Variants in AMMECR1 observed in about 807,000 individuals in gnomAD.
AMMECR1 encodes the protein nuclear protein AMMECR1.
A neutral mutation model predicts 22.5 loss-of-function variants in AMMECR1; 3 were observed. The observed-to-expected ratio is 0.13, with a 90% CI of 0.06 to 0.35. The LOEUF is 0.35. Among genes scored for constraint, AMMECR1 ranks in the 10% least tolerant of loss-of-function variants. AMMECR1 has a pLI of 1.00. For missense variants in AMMECR1, 235 were observed against 278.7 expected, an observed-to-expected ratio of 0.84 and a Z score of 1.12; for synonymous variants, 130 against 116.7, an observed-to-expected ratio of 1.11 and a Z score of -0.74.
At chrX:110,218,677 T>G (rs1357323534) in intron 2 of AMMECR1, among the ~76,000 whole-genome samples, 1 of 111,174 alleles carries the variant, frequency 9.0e-6, no homozygotes, top group Non-Finnish European at 1.9e-5. Flanking sequence ...AAATTCACCC[T>G]TTTAAAGTAT....
chrX:110,400,475 T>G (rs1023389548), intron 2 of AMMECR1, among the ~76,000 whole-genome samples: 1 of 110,378 alleles, frequency 9.1e-6, no homozygotes, highest in African/African-American at 3.3e-5. Flanking sequence ...TGCTCAGAAG[T>G]GTCGCTCAGT....
intron 2 of AMMECR1, among the ~76,000 whole-genome samples, chrX:110,328,282 A>G (rs2068105565): frequency 8.9e-6 from 1 of 111,820 alleles, no homozygotes; most frequent in Non-Finnish European, 1.9e-5. Context: ...CTTAAATTGC[A>G]TATCAGTACA....
chrX:110,255,164 C>G (rs1333172966), intron 2 of AMMECR1, among the ~76,000 whole-genome samples: 1 of 112,205 alleles, frequency 8.9e-6, no homozygotes, highest in Admixed American at 9.5e-5. Context: ...ATTTTAAGAC[C>G]ACATTGTTTT....
chrX:110,333,121 C>A (rs762955072), intron 2 of AMMECR1, among the ~76,000 whole-genome samples: 1 of 111,720 alleles, frequency 9.0e-6, no homozygotes, highest in South Asian at 3.8e-4. Context: ...GGCATAGGAC[C>A]TACACTGAAA....
chrX:110,206,397 A>G (rs2067421971), intron 3 of AMMECR1, among the ~76,000 whole-genome samples: 1 of 111,906 alleles, frequency 8.9e-6, no homozygotes, highest in African/African-American at 3.2e-5. Context: ...GCATTTTTTA[A>G]AAGTACCTTC....
chrX:110,374,345 G>A (rs2068360645), intron 2 of AMMECR1, among the ~76,000 whole-genome samples: 1 of 111,986 alleles, frequency 8.9e-6, no homozygotes, highest in Non-Finnish European at 1.9e-5. Context: ...TTAAAAAAAT[G>A]AATATGTTTT....
intron 1 of AMMECR1, among the ~76,000 whole-genome samples, chrX:110,308,010 C>T (rs984210811): frequency 2.2e-4 from 24 of 107,901 alleles, no homozygotes; most frequent in African/African-American, 6.8e-4. Flanking sequence ...GCTGGGACTA[C>T]AGGCGCATGC....
At chrX:110,263,670 A>G (rs1002129601) in intron 2 of AMMECR1, among the ~76,000 whole-genome samples, 1 of 111,924 alleles carries the variant, frequency 8.9e-6, no homozygotes, top group African/African-American at 3.2e-5. Flanking sequence ...CCAAGTACCA[A>G]TAGTCAGCAG....
At chrX:110,202,682 A>G (rs936297744) in intron 3 of AMMECR1, 146 bp from the exon 4 acceptor site, 2 of 420,844 alleles carry the variant, frequency 4.8e-6, no homozygotes, top group Non-Finnish European at 8.1e-6. Flanking sequence ...CAAAGCTTTG[A>G]CTTTGGATTT....
At chrX:110,394,215 A>G (rs977314868) in intron 2 of AMMECR1, among the ~76,000 whole-genome samples, 5 of 112,555 alleles carry the variant, frequency 4.4e-5, no homozygotes, top group Non-Finnish European at 3.8e-5. Context: ...ATTAATGTTT[A>G]ATATTAGAAG....
At chrX:110,275,520 T>G (rs2067821383) in intron 1 of AMMECR1, among the ~76,000 whole-genome samples, 1 of 110,978 alleles carries the variant, frequency 9.0e-6, no homozygotes, top group African/African-American at 3.3e-5. Flanking sequence ...CTACCACTAG[T>G]TTTCAACAAT....
intron 2 of AMMECR1, among the ~76,000 whole-genome samples, chrX:110,407,271 T>C (rs1162843060): frequency 8.9e-6 from 1 of 112,125 alleles, no homozygotes; most frequent in Non-Finnish European, 1.9e-5. Flanking sequence ...AATGGCTGGG[T>C]GAAGAGAGTC....
At chrX:110,305,673 A>C (rs2067989738) in intron 1 of AMMECR1, among the ~76,000 whole-genome samples, 1 of 111,938 alleles carries the variant, frequency 8.9e-6, no homozygotes, top group Non-Finnish European at 1.9e-5. Flanking sequence ...AATTTCAAGA[A>C]GTGCTTAACT....
At chrX:110,290,960 T>C (rs1397634469) in intron 1 of AMMECR1, among the ~76,000 whole-genome samples, 4 of 111,842 alleles carry the variant, frequency 3.6e-5, no homozygotes, top group Admixed American at 9.5e-5. Context: ...GGTACTTTAA[T>C]TGAAAATAAT....
intron 2 of AMMECR1, among the ~76,000 whole-genome samples, chrX:110,414,336 TG>T (rs2148313120): frequency 8.9e-6 from 1 of 112,505 alleles, no homozygotes; most frequent in East Asian, 2.8e-4. Flanking sequence ...GGAGTCAGAC[TG>T]TCTGGGTTAG....
intron 3 of AMMECR1, among the ~76,000 whole-genome samples, chrX:110,215,296 T>A (rs760576881): frequency 8.9e-6 from 1 of 111,916 alleles, no homozygotes; most frequent in African/African-American, 3.2e-5. Flanking sequence ...CCCCTAAAAC[T>A]TTTTAAATAG....
chrX:110,325,803 T>G (rs1328038975), intron 2 of AMMECR1, among the ~76,000 whole-genome samples: 2 of 112,209 alleles, frequency 1.8e-5, no homozygotes, highest in Non-Finnish European at 3.8e-5. Context: ...TAATCTTTAT[T>G]TATTTCCTTC....
intron 2 of AMMECR1, among the ~76,000 whole-genome samples, chrX:110,408,557 G>T (rs1408105447): frequency 8.9e-6 from 1 of 112,191 alleles, no homozygotes; most frequent in Non-Finnish European, 1.9e-5. Context: ...AAAGGGTTTT[G>T]CTTCCCCTGC....
intron 2 of AMMECR1, among the ~76,000 whole-genome samples, chrX:110,402,291 C>T (rs1164664284): frequency 1.8e-5 from 2 of 112,920 alleles, no homozygotes; most frequent in Non-Finnish European, 3.7e-5. Flanking sequence ...TGTTTTTTGC[C>T]TATGAGTGAT....
Sources: gnomAD v4.1 joint callset for allele counts (sites outside exome capture counted in the v4.1 genomes callset) on GRCh38, gnomAD v4.1.1 for gene constraint, MANE v1.5 for transcripts, NCBI Gene and HGNC (gene_info 2026-07-23, HGNC 2026-07-21) for gene names.